Variants in GPR19 observed in about 807,000 individuals in gnomAD.
The protein encoded by GPR19 is probable G protein-coupled receptor 19.
GPR19 carries 14 observed loss-of-function variants against 28.5 expected under a neutral mutation model. The observed-to-expected ratio is 0.49, with a 90% CI of 0.32 to 0.77. The LOEUF (loss-of-function observed/expected upper bound fraction) is 0.77, where lower values mean the gene tolerates loss of function less well. Ranked by LOEUF, GPR19 falls within the 30% of genes least tolerant of loss-of-function variation. The pLI, the probability that GPR19 is intolerant of heterozygous loss-of-function variation, is 0.03. For missense variants in GPR19, 409 were observed against 504.1 expected, an observed-to-expected ratio of 0.81 and a Z score of 1.81; for synonymous variants, 173 against 184.1, an observed-to-expected ratio of 0.94 and a Z score of 0.49.
At chr12:12,672,792 A>G (rs1306533473) in intron 3 of GPR19, among the ~76,000 whole-genome samples, 2 of 152,186 alleles carry the variant, frequency 1.3e-5, no homozygotes, top group African/African-American at 2.4e-5. Context: ...CCATTTTGTT[A>G]TGATGGCATA....
the GPR19 span, chr12:12,716,773 C>G: frequency 1.0e-6 from 1 of 985,392 alleles, no homozygotes; most frequent in African/African-American, 1.7e-5. Context: ...GCAGAAACTT[C>G]TGGGTTAAGG....
intron 2 of GPR19, among the ~76,000 whole-genome samples, chr12:12,694,188 C>CTGTTTTTTTTTTTT (rs1946227909): frequency 2.3e-5 from 1 of 43,810 alleles, no homozygotes; most frequent in Non-Finnish European, 4.0e-5. Context: ...GAGTACCTGT[C>CTGTTTTTTTTTTTT]TTTTTTTTTT....
intron 3 of GPR19, 92 bp from the exon 4 acceptor site, chr12:12,662,562 T>G: frequency 1.1e-6 from 1 of 936,930 alleles, no homozygotes; most frequent in Non-Finnish European, 1.6e-6. Context: ...TATTTGACAT[T>G]TACATTGATT....
chr12:12,717,207 G>GGCGCTCGGGGAGGCGGC, the GPR19 span: 2 of 1,048,698 alleles, frequency 1.9e-6, no homozygotes, highest in African/African-American at 1.7e-5. Context: ...ATCTCCCGGC[G>GGCGCTCGGGGAGGCGGC]GCGCTCGGGG....
chr12:12,661,802 G>A lies in GPR19; in HGVS notation c.647C>T (p.Ser216Phe), dbSNP rs1439636478. 1.9e-6 allele frequency: 3 copies of A among 1,613,926 alleles called. No homozygotes were observed. Among genetic ancestry groups the A allele is most frequent in the African/African-American group, 1.3e-5 (1 of 74,892 alleles). Reference protein sequence around the residue: ...WDSHCNYFLPSSWEGTAYTVI... With the variant: ...WDSHCNYFLPFSWEGTAYTVI... The stretch of plus-strand genomic sequence containing the variant: ...AGTGTAGGCAGTGCCTTCCCAAGAG[G>A]AGGGGAGGAAATAGTTACAATGACT... The change falls in exon 4 of 4, where the codon TCC becomes TTC. Residue 216 changes from serine to phenylalanine, a missense_variant. By Grantham distance (155) the Ser-to-Phe change is radical. Coordinates refer to ENST00000651487, the MANE Select transcript of GPR19 (RefSeq NM_006143.3). This position sits in a 1 kb window ranked among gnomAD's most constrained non-coding sequence, Gnocchi z 4.2.
chr12:12,664,371 A>G (rs1406171154), intron 3 of GPR19, among the ~76,000 whole-genome samples: 1 of 152,122 alleles, frequency 6.6e-6, no homozygotes, highest in Non-Finnish European at 1.5e-5. Flanking sequence ...CCAAAAAGCT[A>G]TATTCAATAC....
chr12:12,684,098 T>C (rs1199255627), intron 3 of GPR19: 1 of 152,212 alleles, frequency 6.6e-6, no homozygotes, highest in African/African-American at 2.4e-5. Flanking sequence ...AAAATCCTTT[T>C]CATCAATGAG....
intron 3 of GPR19, among the ~76,000 whole-genome samples, chr12:12,671,023 C>T (rs375707589): frequency 4.6e-5 from 7 of 152,014 alleles, no homozygotes; most frequent in Admixed American, 3.3e-4. Context: ...TAAATTATTT[C>T]CATTAGAGGC....
rs1946255385 is a variant in GPR19, at chr12:12,696,120, A to T, written c.-288T>A. ...ATAGAATGTGGTGTTGTGTACGTGAATCCATCAGATCAACGCGACGGACAC... is the reference window on the plus strand; with the variant it reads ...ATAGAATGTGGTGTTGTGTACGTGATTCCATCAGATCAACGCGACGGACAC... On this transcript the variant is annotated 5_prime_UTR_variant, in exon 1 of 4. Transcript: ENST00000651487. The T allele has an allele frequency of 6.6e-6, 1 of 152,134 alleles. No individual in the cohort carries two copies. Among genetic ancestry groups the T allele is most frequent in the South Asian group, 2.1e-4 (1 of 4,828 alleles). 9.4% of individuals were successfully genotyped at this position (152,134 alleles called of 1,614,324 possible).
upstream of GPR19, among the ~76,000 whole-genome samples, chr12:12,700,038 C>T (rs901228160): frequency 6.6e-6 from 1 of 150,380 alleles, no homozygotes; most frequent in African/African-American, 2.5e-5. Context: ...GTCTTGAACA[C>T]CTGGCCTCAA....
chr12:12,698,236 A>T (rs1426371568), upstream of GPR19, among the ~76,000 whole-genome samples: 2 of 152,226 alleles, frequency 1.3e-5, no homozygotes, highest in Non-Finnish European at 2.9e-5. Context: ...TCACTGAAAA[A>T]AAATCTTTGG....
chr12:12,663,635 T>TCA (rs1592251269), intron 3 of GPR19, among the ~76,000 whole-genome samples: 1 of 152,264 alleles, frequency 6.6e-6, no homozygotes, highest in East Asian at 1.9e-4. Context: ...GTGATTTTGC[T>TCA]CACAGATTAT....
the GPR19 span, chr12:12,717,190 C>A: frequency 9.6e-7 from 1 of 1,047,054 alleles, no homozygotes; most frequent in African/African-American, 1.7e-5. Flanking sequence ...AGTCACGCGA[C>A]CAGCCAATCT....
At chr12:12,681,739 C>G (rs776084424) in intron 3 of GPR19, among the ~76,000 whole-genome samples, 18 of 152,142 alleles carry the variant, frequency 1.2e-4, no homozygotes, top group Non-Finnish European at 2.5e-4. Context: ...ATCCACAACC[C>G]CTTAATGATT....
chr12:12,686,225 C>A (rs924337655), intron 2 of GPR19, among the ~76,000 whole-genome samples: 3 of 152,168 alleles, frequency 2.0e-5, no homozygotes, highest in African/African-American at 7.2e-5. Flanking sequence ...AAAGAGGTGG[C>A]ACAAGGAAGC....
At chr12:12,709,896 T>C in the GPR19 span, among the ~76,000 whole-genome samples, 1 of 152,112 alleles carries the variant, frequency 6.6e-6, no homozygotes, top group Non-Finnish European at 1.5e-5. Context: ...AACCACCTCC[T>C]CTCCCCTTGT....
At chr12:12,675,864 T>A (rs1415041708) in intron 3 of GPR19, among the ~76,000 whole-genome samples, 1 of 152,174 alleles carries the variant, frequency 6.6e-6, no homozygotes, top group East Asian at 1.9e-4. Flanking sequence ...TGCTAAGATC[T>A]TGATTTTAGC....
In GPR19 at chr12:12,694,374, A is replaced by ATT. The variant is rs1212731139; in HGVS notation, c.-180+1083_-180+1084dup. On this transcript the variant is annotated intron_variant, in intron 2 of 3. Transcript: ENST00000651487. ...CCACCACGCCCGGCTAATTTTTTGTATTTTTTTTTTTTTAGTAGAGACGGG... is the reference window on the plus strand; with the variant it reads ...CCACCACGCCCGGCTAATTTTTTGTATTTTTTTTTTTTTTTAGTAGAGACGGG... 2.2e-3 allele frequency among the ~76,000 whole-genome samples: 274 copies of ATT among 127,052 alleles called. 5 individuals are homozygous for ATT. Among genetic ancestry groups the ATT allele is most frequent in the Admixed American group, 0.014 (173 of 12,778 alleles). The allele number at this position is 127,052 out of a possible 152,430, so 83.4% of individuals were successfully genotyped here.
chr12:12,681,167 G>A (rs758861567), intron 3 of GPR19, among the ~76,000 whole-genome samples: 4 of 152,106 alleles, frequency 2.6e-5, no homozygotes, highest in African/African-American at 7.2e-5. Context: ...CTTGGCTGAT[G>A]GAGAAGAAAC....
Sources: gnomAD v4.1 joint callset for allele counts (sites outside exome capture counted in the v4.1 genomes callset) on GRCh38, gnomAD v4.1.1 for gene constraint, Gnocchi (gnomAD v3.1) non-coding constraint, MANE v1.5 for transcripts, NCBI Gene and HGNC (gene_info 2026-07-23, HGNC 2026-07-21) for gene names.